The following AKAP6 variants were observed in gnomAD, a reference collection of about 807,000 sequenced individuals.
AKAP6 encodes A-kinase anchoring protein 6, also known as A-kinase anchor protein 6.
AKAP6 carries 58 observed loss-of-function variants against 188.5 expected under a neutral mutation model. That is an observed-to-expected ratio of 0.31 (90% CI 0.25 to 0.38). The LOEUF (loss-of-function observed/expected upper bound fraction) is 0.38, where lower values mean the gene tolerates loss of function less well. AKAP6 is among the 10% of genes least tolerant of loss of function. AKAP6 has a pLI of 1.00. For synonymous variants in AKAP6, 989 were observed against 998.6 expected, an observed-to-expected ratio of 0.99 and a Z score of 0.18; for missense variants, 2,710 against 2,740.0, an observed-to-expected ratio of 0.99 and a Z score of 0.24.
chr14:32,824,687 G>A lies in AKAP6; in HGVS notation c.6874G>A (p.Ala2292Thr), dbSNP rs375612537. 19 of 1,613,816 alleles carry A rather than the reference G, an allele frequency of 1.2e-5. No individual in the cohort carries two copies. In the South Asian group the frequency reaches 1.2e-4, roughly 10 times the overall value. ...GGCAAATCAGCCAACAGACAAGGCC[G>A]CATTGCATCCCAGCCCCAAAACTTT... ...LKANQPTDKA[A>T]LHPSPKTLTC... The change falls in exon 13 of 14, where the codon GCA (alanine) becomes ACA (threonine). Residue 2292 changes from alanine to threonine, a missense_variant. Physicochemically the swap from Ala to Thr is moderately conservative, Grantham distance 58 (BLOSUM62 0). Coordinates refer to ENST00000280979, the MANE Select transcript of AKAP6 (RefSeq NM_004274.5).
intron 1 of AKAP6, among the ~76,000 whole-genome samples, chr14:32,350,726 TA>T (rs527716732): frequency 1.6e-4 from 25 of 152,022 alleles, no homozygotes; most frequent in Non-Finnish European, 2.8e-4. Context: ...TCTCTAAATA[TA>T]AAATTATAAC....
intron 4 of AKAP6, among the ~76,000 whole-genome samples, chr14:32,575,629 AT>A (rs774969272): frequency 1.3e-5 from 2 of 152,150 alleles, no homozygotes; most frequent in African/African-American, 2.4e-5. Flanking sequence ...ATTGGGATAG[AT>A]TTTTGAAAGA....
chr14:32,686,972 G>A (rs1555352424), intron 8 of AKAP6, among the ~76,000 whole-genome samples: 2 of 152,080 alleles, frequency 1.3e-5, no homozygotes, highest in Non-Finnish European at 2.9e-5. Flanking sequence ...CCCTCATCAC[G>A]CAAGGCTTTA....
At chr14:32,596,902 G>A (rs1885727022) in intron 5 of AKAP6, among the ~76,000 whole-genome samples, 1 of 152,140 alleles carries the variant, frequency 6.6e-6, no homozygotes, top group Non-Finnish European at 1.5e-5. Context: ...TGACAATTTT[G>A]TTAATGTGTC....
At chr14:32,367,471 C>A (rs1005555128) in intron 1 of AKAP6, among the ~76,000 whole-genome samples, 5 of 152,286 alleles carry the variant, frequency 3.3e-5, no homozygotes, top group Admixed American at 6.5e-5. Flanking sequence ...AAGATCAGAT[C>A]TTTCTTTTCA....
At chr14:32,336,425 G>A (rs577605417) in intron 1 of AKAP6, among the ~76,000 whole-genome samples, 11 of 152,116 alleles carry the variant, frequency 7.2e-5, no homozygotes, top group Admixed American at 3.9e-4. Flanking sequence ...TTCACCAGTA[G>A]TCAACAATTG....
chr14:32,546,001 TCTG>T lies in AKAP6; in HGVS notation c.1353_1355del (p.Ala452del), dbSNP rs761328092. ...GCAGTCTTCTTACCCCAACAGCCCTTCTGCTGCCAGCCAGTCTTATGAGTGTTT... is the reference window on the plus strand; with the variant it reads ...GCAGTCTTCTTACCCCAACAGCCCTTCTGCCAGCCAGTCTTATGAGTGTTT... On this transcript the variant is annotated inframe_deletion, in exon 4 of 14. Transcript: ENST00000280979. The T allele has an allele frequency of 6.2e-7, 1 of 1,614,126 alleles. No individual in the cohort carries two copies. The highest frequency in any genetic ancestry group is 2.2e-5 in the East Asian group (1 of 44,878).
At chr14:32,465,502 T>G (rs1176699441) in intron 2 of AKAP6, among the ~76,000 whole-genome samples, 1 of 152,178 alleles carries the variant, frequency 6.6e-6, no homozygotes, top group Non-Finnish European at 1.5e-5. Flanking sequence ...GATTCCCTAT[T>G]TAATAAATAA....
intron 1 of AKAP6, among the ~76,000 whole-genome samples, chr14:32,429,570 C>T (rs1566497545): frequency 6.6e-6 from 1 of 152,130 alleles, no homozygotes; most frequent in Non-Finnish European, 1.5e-5. Flanking sequence ...AATTGCTTTT[C>T]ATGAAAATGG....
Position 32,821,898 on chromosome 14 carries a change from G to C in AKAP6, c.4085G>C (p.Ser1362Thr), listed in dbSNP as rs778509807. ...GGAGACATGAGCCAGAATTCAGGCAGTGAGAGTGGAATTGTCAGTGAAGGA... is the reference window on the plus strand; with the variant it reads ...GGAGACATGAGCCAGAATTCAGGCACTGAGAGTGGAATTGTCAGTGAAGGA... ...HGGDMSQNSG[S>T]ESGIVSEGDT... Residue 1362 changes from serine (S) to threonine (T), a missense_variant, in exon 13 of 14, where the codon AGT becomes ACT. This residue lies in a region of AKAP6 where 2,473 missense variants were observed against 2,426.1 expected (regional missense o/e 1.02). Transcript: ENST00000280979. 4 of 1,613,942 alleles carry C rather than the reference G, an allele frequency of 2.5e-6. No individual in the cohort carries two copies. Among genetic ancestry groups the C allele is most frequent in the Non-Finnish European group, 3.4e-6 (4 of 1,179,948 alleles).
chr14:32,641,570 G>A (rs1360774607), intron 7 of AKAP6, among the ~76,000 whole-genome samples: 1 of 151,772 alleles, frequency 6.6e-6, no homozygotes, highest in Non-Finnish European at 1.5e-5. Context: ...TTGGACTTAA[G>A]ATTTGGGCTT....
At chr14:32,636,487 C>T (rs1209518715) in intron 7 of AKAP6, among the ~76,000 whole-genome samples, 1 of 151,940 alleles carries the variant, frequency 6.6e-6, no homozygotes, top group Non-Finnish European at 1.5e-5. Context: ...GAGTGGCATT[C>T]GTGGTTCAAA....
chr14:32,582,864 A>G (rs1594760682), intron 5 of AKAP6, among the ~76,000 whole-genome samples: 1 of 151,986 alleles, frequency 6.6e-6, no homozygotes, highest in East Asian at 1.9e-4. Flanking sequence ...ACTTCTCTGT[A>G]TTGGTTATTC....
chr14:32,828,525 TCTCTCACACACACACACACACACACA>T (rs1281701405), intron 13 of AKAP6, among the ~76,000 whole-genome samples: 2 of 96,798 alleles, frequency 2.1e-5, no homozygotes, highest in Non-Finnish European at 4.9e-5. Flanking sequence ...TCTCTCTCTC[TCTCTCACACACACACACACACACACA>T]CACACACACA....
intron 1 of AKAP6, among the ~76,000 whole-genome samples, chr14:32,415,661 G>A (rs1406775723): frequency 6.6e-6 from 1 of 152,016 alleles, no homozygotes; most frequent in Admixed American, 6.6e-5. Flanking sequence ...AAAACTGAAA[G>A]TCTATACCAT....
At chr14:32,425,656 G>T (rs1890005520) in intron 1 of AKAP6, among the ~76,000 whole-genome samples, 5 of 151,610 alleles carry the variant, frequency 3.3e-5, no homozygotes, top group African/African-American at 1.2e-4. Context: ...AGGAAGGAAG[G>T]AAGGAAGCTG....
chr14:32,460,162 T>G (rs1054360127), intron 2 of AKAP6, among the ~76,000 whole-genome samples: 3 of 152,154 alleles, frequency 2.0e-5, no homozygotes, highest in Non-Finnish European at 2.9e-5. Flanking sequence ...ATTAGTGAAT[T>G]AGATAAATAA....
At chr14:32,409,836 G>A (rs1022507777) in intron 1 of AKAP6, among the ~76,000 whole-genome samples, 1 of 152,076 alleles carries the variant, frequency 6.6e-6, no homozygotes, top group African/African-American at 2.4e-5. Flanking sequence ...AGTCCACTTG[G>A]TTTACTCACT....
chr14:32,631,539 T>C (rs1179793597), intron 7 of AKAP6, among the ~76,000 whole-genome samples: 1 of 151,968 alleles, frequency 6.6e-6, no homozygotes, highest in Non-Finnish European at 1.5e-5. Context: ...AGAAATACAT[T>C]TATTGATCTC....
Sources: allele counts gnomAD v4.1 joint callset (sites outside exome capture counted in the v4.1 genomes callset), GRCh38; gene constraint gnomAD v4.1.1; regional missense constraint gnomAD v4.1.1; transcripts MANE v1.5; gene names NCBI Gene and HGNC (gene_info 2026-07-23, HGNC 2026-07-21).